The following DOCK3 variants were observed in gnomAD, a reference collection of about 807,000 sequenced individuals.
DOCK3 encodes dedicator of cytokinesis 3, also known as dedicator of cytokinesis protein 3.
A neutral mutation model predicts 265.6 loss-of-function variants in DOCK3; 60 were observed. That is an observed-to-expected ratio of 0.23 (90% CI 0.18 to 0.28). DOCK3 has a LOEUF of 0.28. DOCK3 is among the 10% of genes least tolerant of loss of function. The probability of loss-of-function intolerance (pLI) is 1.00; values close to 1 mark genes in which losing one functional copy is unlikely to be tolerated. For synonymous variants in DOCK3, 881 were observed against 938.0 expected (o/e 0.94, Z 1.11); for missense variants, 1,981 against 2,594.3 (o/e 0.76, Z 5.14).
chr3:51,144,112 C>A (rs1175122420), intron 9 of DOCK3, among the ~76,000 whole-genome samples: 1 of 152,274 alleles, frequency 6.6e-6, no homozygotes, highest in East Asian at 1.9e-4. Context: ...TATACACCCC[C>A]CCTTGATACC....
rs767256629 is a variant in DOCK3 at position 51,361,859 on chromosome 3, C to T, written c.5007C>T (p.Ser1669=). 6.2e-7 allele frequency: 1 copy of T among 1,612,306 alleles called. No homozygotes were observed. Among genetic ancestry groups the T allele is most frequent in the Non-Finnish European group, 8.5e-7 (1 of 1,179,038 alleles). The change falls in exon 48 of 53, where the codon AGC becomes AGT. Residue 1669 remains serine (S), a splice_region_variant and synonymous_variant. Transcript: ENST00000266037. The surrounding 1 kb of genome is among the most constrained non-coding windows in gnomAD (Gnocchi z 4.2). The part of the protein sequence containing the change: ...PESIKMTHRH[S]PMNLMGTGRH... ...CCCTATTTCCCACTCTTGCTCACAG[C>T]CCCATGAACTTGATGGGCACAGGCC...
rs144662814 is a variant in DOCK3 at position 51,341,950 on chromosome 3, C to G, written c.3915+565C>G. ...ACTGGTTTAGGCTTCCTTGGGACTT[C>G]CCAGCCATTCTCCTCCCATCTCTGG... On this transcript the variant is annotated intron_variant, in intron 38 of 52. Coordinates refer to ENST00000266037, the MANE Select transcript of DOCK3 (RefSeq NM_004947.5). Among the ~76,000 whole-genome samples the G allele has an allele frequency of 9.2e-3, 1,399 of 152,322 alleles. 24 individuals carry two copies. The highest frequency in any genetic ancestry group is 0.031 in the African/African-American group (1,307 of 41,568).
At chr3:51,052,281 G>T (rs544436285) in intron 5 of DOCK3, among the ~76,000 whole-genome samples, 1 of 152,238 alleles carries the variant, frequency 6.6e-6, no homozygotes, top group South Asian at 2.1e-4. Flanking sequence ...CAAGGTGGGT[G>T]GATCGCTTGA....
chr3:50,971,543 G>A (rs879314995), intron 5 of DOCK3, among the ~76,000 whole-genome samples: 3 of 152,154 alleles, frequency 2.0e-5, no homozygotes, highest in Admixed American at 2.0e-4. Context: ...GGTTGGCGAG[G>A]TCTCAGGAAA....
chr3:50,685,475 A>G (rs545053679), intron 1 of DOCK3: 1 of 152,774 alleles, frequency 6.5e-6, no homozygotes, highest in Non-Finnish European at 1.5e-5. Flanking sequence ...AATACAAAAA[A>G]GTGATTATGA....
chr3:50,957,639 C>T (rs932822345), intron 5 of DOCK3, among the ~76,000 whole-genome samples: 2 of 152,112 alleles, frequency 1.3e-5, no homozygotes, highest in South Asian at 2.1e-4. Flanking sequence ...GTTATTTAGG[C>T]GAATAAGATT....
chr3:51,011,133 G>T (rs928959133), intron 5 of DOCK3, among the ~76,000 whole-genome samples: 7 of 152,108 alleles, frequency 4.6e-5, no homozygotes, highest in African/African-American at 1.7e-4. Context: ...TCTTTATGGT[G>T]TTCTTTGTAT....
intron 15 of DOCK3, 65 bp downstream of exon 15, chr3:51,225,838 A>G (rs900321953): frequency 2.6e-6 from 4 of 1,539,264 alleles, no homozygotes; most frequent in African/African-American, 2.8e-5. Flanking sequence ...TGTGGACTTT[A>G]TCCAGAGGCC....
chr3:51,233,355 TATC>T (rs543517392), intron 19 of DOCK3, among the ~76,000 whole-genome samples: 138 of 17,512 alleles, frequency 7.9e-3, no homozygotes, highest in South Asian at 0.03. Flanking sequence ...TCTATCTATC[TATC>T]TATTTATTTA....
At chr3:51,208,920 A>T in intron 13 of DOCK3, 58 bp downstream of exon 13, 1 of 1,498,994 alleles carries the variant, frequency 6.7e-7, no homozygotes, top group Middle Eastern at 1.7e-4. Flanking sequence ...CTACTCATAC[A>T]GCACTTAGAT....
chr3:51,277,868 A>G (rs2080899220), intron 26 of DOCK3, 114 bp downstream of exon 26: 1 of 1,529,558 alleles, frequency 6.5e-7, no homozygotes, highest in Admixed American at 2.0e-5. Context: ...TCCCTCCTGC[A>G]TGGTTGTCAG....
At chr3:50,804,433 C>T (rs188214260) in intron 2 of DOCK3, among the ~76,000 whole-genome samples, 127 of 152,270 alleles carry the variant, frequency 8.3e-4, no homozygotes, top group African/African-American at 2.8e-3. Flanking sequence ...CGTCACTGCA[C>T]TCCAGCCTGG....
intron 1 of DOCK3, among the ~76,000 whole-genome samples, chr3:50,676,546 T>C (rs2033968962): frequency 6.6e-6 from 1 of 152,234 alleles, no homozygotes; most frequent in Admixed American, 6.5e-5. Context: ...GAGTATTCCC[T>C]GAATACTGAG....
intron 35 of DOCK3, among the ~76,000 whole-genome samples, chr3:51,334,955 A>G (rs889370886): frequency 9.9e-5 from 15 of 152,254 alleles, no homozygotes; most frequent in African/African-American, 3.4e-4. Flanking sequence ...ATATGGCATC[A>G]CTGGCCTTTA....
chr3:50,741,591 A>G (rs1346738164), intron 1 of DOCK3, among the ~76,000 whole-genome samples: 29 of 149,378 alleles, frequency 1.9e-4, no homozygotes, highest in African/African-American at 3.5e-4. Context: ...ATGTCCCTAC[A>G]AAGGACATGA....
rs987515510 is a variant in DOCK3 at position 51,312,177 on chromosome 3, A to G, written c.3093+98A>G. The stretch of plus-strand genomic sequence containing the variant: ...TTTGCTTTATTAATAGATTCATAGT[A>G]TCAAACAGCTTCCAAGCCTGATGAT... On this transcript the variant is annotated intron_variant, in intron 29 of 52. Coordinates refer to ENST00000266037, the MANE Select transcript of DOCK3 (RefSeq NM_004947.5). 8 of 1,100,658 alleles carry G rather than the reference A, an allele frequency of 7.3e-6. No homozygotes were observed. In the African/African-American group the frequency reaches 9.4e-5, roughly 13 times the overall value. 68.2% of individuals were successfully genotyped at this position (1,100,658 alleles called of 1,614,324 possible). A position where few individuals can be genotyped will look rare whatever the true frequency, so the allele number is the denominator to read the frequency against.
chr3:51,215,914 C>A (rs1216457543), intron 14 of DOCK3, among the ~76,000 whole-genome samples: 1 of 151,750 alleles, frequency 6.6e-6, no homozygotes, highest in Non-Finnish European at 1.5e-5. Context: ...GTCATGACAC[C>A]TTTCTTAGCT....
intron 38 of DOCK3, among the ~76,000 whole-genome samples, chr3:51,346,879 C>G (rs1221257742): frequency 1.3e-5 from 2 of 152,212 alleles, no homozygotes; most frequent in African/African-American, 4.8e-5. Flanking sequence ...TTGCATTTCT[C>G]TGATGGCCAG....
intron 13 of DOCK3, among the ~76,000 whole-genome samples, chr3:51,209,636 C>A (rs2089401626): frequency 6.6e-6 from 1 of 152,192 alleles, no homozygotes; most frequent in African/African-American, 2.4e-5. Flanking sequence ...TTTTAACTTT[C>A]ATAGACCTGT....
Sources: gnomAD v4.1 joint callset for allele counts (sites outside exome capture counted in the v4.1 genomes callset) on GRCh38, gnomAD v4.1.1 for gene constraint, Gnocchi (gnomAD v3.1) non-coding constraint, MANE v1.5 for transcripts, NCBI Gene and HGNC (gene_info 2026-07-23, HGNC 2026-07-21) for gene names.